The following MEF2C variants were observed in gnomAD, a reference collection of about 807,000 sequenced individuals.
MEF2C encodes myocyte-specific enhancer factor 2C.
MEF2C carries 6 observed loss-of-function variants against 50.5 expected under a neutral mutation model. That is an observed-to-expected ratio of 0.12 (90% CI 0.07 to 0.23). MEF2C has a LOEUF of 0.23. MEF2C is among the 10% of genes least tolerant of loss of function. The pLI, the probability that MEF2C is intolerant of heterozygous loss-of-function variation, is 1.00. For missense variants in MEF2C, 276 were observed against 605.0 expected, an observed-to-expected ratio of 0.46 and a Z score of 5.70; for synonymous variants, 183 against 228.0, an observed-to-expected ratio of 0.80 and a Z score of 1.78.
intron 8 of MEF2C, among the ~76,000 whole-genome samples, chr5:88,729,933 A>T (rs927036302): frequency 6.6e-6 from 1 of 152,168 alleles, no homozygotes; most frequent in Non-Finnish European, 1.5e-5. Context: ...TTCCCAGAAG[A>T]AGAAATATTT....
chr5:88,846,062 C>T (rs1004792222), intron 1 of MEF2C, among the ~76,000 whole-genome samples: 8 of 150,950 alleles, frequency 5.3e-5, no homozygotes, highest in Non-Finnish European at 1.0e-4. Context: ...ATAATATATA[C>T]TTCAAGTCTT....
At position 88,778,006 on chromosome 5, in the gene MEF2C, G is replaced by A. The variant is rs62380361; in HGVS notation, c.259-16678C>T. 6.6e-3 allele frequency among the ~76,000 whole-genome samples: 914 copies of A among 138,470 alleles called. 4 individuals are homozygous for A. The highest frequency in any genetic ancestry group is 0.011 in the Non-Finnish European group (691 of 65,616). The allele number at this position is 138,470 out of a possible 152,430, so 90.8% of individuals were successfully genotyped here. ...TGCAAGCTCCGCCTCCCAGGTTCAC[G>A]CCATTCTCCCACCTCAGCCTCCTGA... On this transcript the variant is annotated intron_variant, in intron 3 of 10. Coordinates refer to ENST00000504921, the MANE Select transcript of MEF2C (RefSeq NM_002397.5).
rs142469257 is a variant in MEF2C at position 88,741,481 on chromosome 5, C to T, written c.637+7589G>A. On this transcript the variant is annotated intron_variant, in intron 6 of 10. Coordinates refer to ENST00000504921, the MANE Select transcript of MEF2C (RefSeq NM_002397.5). ...TTTTTTGAATATCTGCCTCTGGAAT[C>T]TTTTCCCAAACTACTCCTTGGGCAA... 159 of 985,328 alleles carry T rather than the reference C, an allele frequency of 1.6e-4. 1 individual carries two copies. The East Asian group carries it at 3.9e-3, about 24-fold the overall frequency. The allele number at this position is 985,328 out of a possible 1,614,324, so 61.0% of individuals were successfully genotyped here. A position where few individuals can be genotyped will look rare whatever the true frequency, so the allele number is the denominator to read the frequency against.
intron 1 of MEF2C, among the ~76,000 whole-genome samples, chr5:88,874,707 GAAAT>G (rs1205465275): frequency 6.6e-6 from 1 of 151,834 alleles, no homozygotes; most frequent in Non-Finnish European, 1.5e-5. Context: ...AGTTTCAAGA[GAAAT>G]AAAATTAAAT....
At chr5:88,864,037 G>T (rs1414179689) in intron 1 of MEF2C, among the ~76,000 whole-genome samples, 2 of 151,704 alleles carry the variant, frequency 1.3e-5, no homozygotes, top group Non-Finnish European at 2.9e-5. Flanking sequence ...GGCCAGGCTG[G>T]TTTCAAACTC....
At chr5:88,770,580 C>G (rs182235160) in intron 3 of MEF2C, among the ~76,000 whole-genome samples, 1 of 152,322 alleles carries the variant, frequency 6.6e-6, no homozygotes, top group Admixed American at 6.5e-5. Flanking sequence ...TGGATTCCAG[C>G]CTACCCCTTC....
intron 1 of MEF2C, among the ~76,000 whole-genome samples, chr5:88,897,400 G>A (rs1187915914): frequency 6.6e-6 from 1 of 152,062 alleles, no homozygotes; most frequent in Non-Finnish European, 1.5e-5. Context: ...ATTATCAGTG[G>A]GCTATAAGCT....
At chr5:88,808,035 T>A (rs1455724918) in intron 2 of MEF2C, among the ~76,000 whole-genome samples, 1 of 152,214 alleles carries the variant, frequency 6.6e-6, no homozygotes, top group Non-Finnish European at 1.5e-5. Context: ...CTGATTATCA[T>A]ACTACTTTAG....
At chr5:88,857,152 T>C (rs79837572) in intron 1 of MEF2C, among the ~76,000 whole-genome samples, 2,710 of 152,310 alleles carry the variant, frequency 0.018, 85 homozygotes, top group African/African-American at 0.062. Flanking sequence ...ATGTGAGACA[T>C]AGAGTCAAAG....
intron 3 of MEF2C, among the ~76,000 whole-genome samples, chr5:88,790,387 AG>A (rs1290332588): frequency 6.6e-6 from 1 of 152,208 alleles, no homozygotes; most frequent in Non-Finnish European, 1.5e-5. Context: ...TCAGAAATAA[AG>A]GGATCCTGGG....
rs1755637656 is a variant in MEF2C, at chr5:88,719,694, T to C, written c.*2910A>G. 1 of 152,192 alleles carries C rather than the reference T, an allele frequency of 6.6e-6. No homozygotes were observed. The highest frequency in any genetic ancestry group is 2.1e-4 in the South Asian group (1 of 4,830). 9.4% of individuals were successfully genotyped at this position (152,192 alleles called of 1,614,324 possible). On this transcript the variant is annotated 3_prime_UTR_variant, in exon 11 of 11. Transcript: ENST00000504921. The stretch of plus-strand genomic sequence containing the variant: ...TACAGATAAGGTATAAGGGTAAAGA[T>C]AGACCAAGATTGTTTACAGAAAGTG...
At chr5:88,742,781 G>A (rs996861129) in intron 6 of MEF2C, 20 of 985,124 alleles carry the variant, frequency 2.0e-5, no homozygotes, top group Admixed American at 1.2e-4. Context: ...TGGTATCAAG[G>A]TAATGGTTTA....
intron 3 of MEF2C, chr5:88,769,811 A>G (rs11749912): frequency 0.51 from 119,317 of 234,886 alleles, 31,931 homozygotes; most frequent in East Asian, 0.59. Flanking sequence ...AGTCTGGCTA[A>G]TTTTTGTAGT....
chr5:88,724,176 G>T (rs918372132), intron 10 of MEF2C, among the ~76,000 whole-genome samples: 1 of 152,090 alleles, frequency 6.6e-6, no homozygotes, highest in African/African-American at 2.4e-5. Flanking sequence ...AGGAAAGCAA[G>T]CCTACTTACT....
intron 3 of MEF2C, chr5:88,761,699 T>C (rs898283690): frequency 2.2e-5 from 4 of 183,000 alleles, no homozygotes; most frequent in Non-Finnish European, 3.4e-5. Context: ...ATCAGGACAT[T>C]ACACAATGAT....
intron 1 of MEF2C, among the ~76,000 whole-genome samples, chr5:88,871,776 G>A (rs1214913945): frequency 6.6e-6 from 1 of 151,862 alleles, no homozygotes; most frequent in Non-Finnish European, 1.5e-5. Context: ...GTACAATTCT[G>A]CATTTTCTAT....
intron 2 of MEF2C, chr5:88,817,784 C>T (rs1326896927): frequency 1.3e-5 from 2 of 151,944 alleles, no homozygotes; most frequent in African/African-American, 4.8e-5. Flanking sequence ...TAACAAGTTG[C>T]ACAAATAAAT....
intron 3 of MEF2C, among the ~76,000 whole-genome samples, chr5:88,798,112 T>A (rs1378243579): frequency 6.6e-6 from 1 of 151,432 alleles, no homozygotes; most frequent in South Asian, 2.1e-4. Context: ...TGAATCTGAT[T>A]GTGTCTTGGG....
At position 88,735,902 on chromosome 5, in the gene MEF2C, A is replaced by G. The variant is rs559573513; in HGVS notation, c.638-4001T>C. 15 of 985,356 alleles carry G rather than the reference A, an allele frequency of 1.5e-5. No individual in the cohort carries two copies. The South Asian group carries it at 4.7e-4, about 31-fold the overall frequency. 61.0% of individuals were successfully genotyped at this position (985,356 alleles called of 1,614,324 possible). ...GAAACTTTCTTTTATTTGGATGTTT[A>G]GGCATTTTGAGTTTTCTTCACTTGT... On this transcript the variant is annotated intron_variant, in intron 6 of 10. Transcript: ENST00000504921.
Sources: gnomAD v4.1 joint callset for allele counts (sites outside exome capture counted in the v4.1 genomes callset) on GRCh38, gnomAD v4.1.1 for gene constraint, MANE v1.5 for transcripts, NCBI Gene and HGNC (gene_info 2026-07-23, HGNC 2026-07-21) for gene names.